Variants in RGS5 observed in about 807,000 individuals in gnomAD.
RGS5 encodes the protein regulator of G-protein signalling 5.
In RGS5, 20 loss-of-function variants were observed where a neutral mutation model predicts 18.9. That is an observed-to-expected ratio of 1.06 (90% CI 0.74 to 1.54). RGS5 has a LOEUF of 1.54. Ranked by LOEUF, RGS5 falls within the 40% of genes most tolerant of loss-of-function variation. The pLI, the probability that RGS5 is intolerant of heterozygous loss-of-function variation, is 0.00. For synonymous variants in RGS5, 57 were observed against 76.2 expected (o/e 0.75, Z 1.31); for missense variants, 201 against 211.8 (o/e 0.95, Z 0.32).
chr1:163,281,570 G>A (rs1172030406), intron 2 of RGS5, among the ~76,000 whole-genome samples: 1 of 152,036 alleles, frequency 6.6e-6, no homozygotes, highest in Non-Finnish European at 1.5e-5. Context: ...CATTCATGAG[G>A]GATCCATCCC....
chr1:163,256,251 A>G (rs1377653882), intron 2 of RGS5, among the ~76,000 whole-genome samples: 2 of 152,132 alleles, frequency 1.3e-5, no homozygotes, highest in East Asian at 3.9e-4. Flanking sequence ...CTGATAAGCA[A>G]CTTCAGCAAA....
At chr1:163,197,613 G>T (rs1659616259) in intron 1 of RGS5, among the ~76,000 whole-genome samples, 1 of 152,066 alleles carries the variant, frequency 6.6e-6, no homozygotes, top group South Asian at 2.1e-4. Flanking sequence ...AGAAATCACT[G>T]ATATTGTTTC....
At chr1:163,217,786 T>A (rs1004557339), upstream of RGS5, 31 of 708,812 alleles carry the variant, frequency 4.4e-5, no homozygotes, top group South Asian at 7.1e-4. Flanking sequence ...TGATATGTGG[T>A]TTATTAAATC....
intron 2 of RGS5, 103 bp from the exon 3 acceptor site, chr1:163,162,079 T>A: frequency 2.5e-6 from 2 of 812,796 alleles, no homozygotes; most frequent in East Asian, 2.5e-5. Context: ...GGAAATGATA[T>A]GACTGCTGGT....
chr1:163,281,868 G>A (rs763426369), intron 2 of RGS5, among the ~76,000 whole-genome samples: 33 of 152,040 alleles, frequency 2.2e-4, no homozygotes, highest in Non-Finnish European at 3.7e-4. Context: ...ATATCCACAC[G>A]CATAAGAATG....
chr1:163,166,349 C>T (rs751388752), intron 2 of RGS5, among the ~76,000 whole-genome samples: 7 of 152,046 alleles, frequency 4.6e-5, no homozygotes, highest in South Asian at 4.2e-4. Context: ...TTTAAAAAAA[C>T]GGATTCTACT....
chr1:163,312,425 T>A (rs894801574), intron 1 of RGS5, among the ~76,000 whole-genome samples: 6 of 152,140 alleles, frequency 3.9e-5, no homozygotes. Flanking sequence ...AAAAGAAAGA[T>A]CTGTATGAAG....
At chr1:163,181,257 C>T (rs1454196547) in intron 1 of RGS5, among the ~76,000 whole-genome samples, 1 of 152,114 alleles carries the variant, frequency 6.6e-6, no homozygotes, top group African/African-American at 2.4e-5. Context: ...TTCTCCACAA[C>T]CACATGTACA....
intron 2 of RGS5, among the ~76,000 whole-genome samples, chr1:163,264,971 T>G (rs928035744): frequency 2.6e-5 from 4 of 152,086 alleles, no homozygotes; most frequent in Non-Finnish European, 5.9e-5. Flanking sequence ...GCCACATGCC[T>G]TCTCCACTTG....
chr1:163,221,406 A>C (rs1187555218), upstream of RGS5, among the ~76,000 whole-genome samples: 1 of 152,152 alleles, frequency 6.6e-6, no homozygotes, highest in Non-Finnish European at 1.5e-5. Context: ...CCAAGGTAGA[A>C]GAATCACTTG....
chr1:163,287,268 A>C (rs1649168539), intron 2 of RGS5, among the ~76,000 whole-genome samples: 1 of 152,196 alleles, frequency 6.6e-6, no homozygotes, highest in African/African-American at 2.4e-5. Flanking sequence ...GGACAAAGAA[A>C]ACAGCAGAAC....
intron 2 of RGS5, among the ~76,000 whole-genome samples, chr1:163,228,340 C>A (rs772613239): frequency 9.2e-5 from 14 of 152,224 alleles, no homozygotes; most frequent in Non-Finnish European, 1.3e-4. Flanking sequence ...ATCCACAGGC[C>A]CAACACCACA....
intron 2 of RGS5, among the ~76,000 whole-genome samples, chr1:163,297,322 T>A (rs1414440324): frequency 6.6e-6 from 1 of 152,184 alleles, no homozygotes; most frequent in East Asian, 1.9e-4. Flanking sequence ...CTAACTTGCA[T>A]TTTTTGATCA....
chr1:163,210,662 C>A (rs903892397), intron 1 of RGS5: 26 of 152,180 alleles, frequency 1.7e-4, no homozygotes, highest in African/African-American at 6.0e-4. Flanking sequence ...GGAGACAATG[C>A]CTAAAAGTGT....
chr1:163,188,810 T>C (rs1659207828), intron 1 of RGS5, among the ~76,000 whole-genome samples: 2 of 148,150 alleles, frequency 1.3e-5, no homozygotes, highest in Admixed American at 1.3e-4. Context: ...ATACAAAAAT[T>C]AGCGTGGTGA....
In RGS5 at chr1:163,217,547, G is replaced by C. The variant is rs1195477435; in HGVS notation, c.48C>G (p.His16Gln). 1.9e-6 allele frequency: 3 copies of C among 1,546,040 alleles called. No homozygotes were observed. In the African/African-American group the frequency reaches 4.1e-5, roughly 21 times the overall value. Residue 16 changes from histidine to glutamine, a missense_variant, in exon 1 of 6, where the codon CAC becomes CAG. His to Gln is a conservative substitution (Grantham distance 24). Coordinates refer to the RGS5 transcript ENST00000367903. Reference sequence around the variant, plus strand: ...ATACATTGATATGCCAATGAGCACTGTGCATCTGTAAGATGAGAATATCCT... The same window carrying C: ...ATACATTGATATGCCAATGAGCACTCTGCATCTGTAAGATGAGAATATCCT...
intron 1 of RGS5, among the ~76,000 whole-genome samples, chr1:163,310,534 G>A (rs867510747): frequency 2.9e-5 from 4 of 138,886 alleles, no homozygotes; most frequent in Middle Eastern, 4.1e-3. Context: ...GAGATTGCGC[G>A]ACTGCACTCC....
chr1:163,153,998 G>A (rs749997324), intron 3 of RGS5, among the ~76,000 whole-genome samples: 1 of 152,030 alleles, frequency 6.6e-6, no homozygotes, highest in Non-Finnish European at 1.5e-5. Flanking sequence ...AACATGTTTC[G>A]AATGTCACTT....
At chr1:163,308,478 T>C (rs1471265660) in intron 1 of RGS5, 2 of 152,094 alleles carry the variant, frequency 1.3e-5, no homozygotes, top group Non-Finnish European at 2.9e-5. Context: ...ACACAAAAAA[T>C]ATAGGAAAGG....
Sources: allele counts gnomAD v4.1 joint callset (sites outside exome capture counted in the v4.1 genomes callset), GRCh38; gene constraint gnomAD v4.1.1; transcripts MANE v1.5; gene names NCBI Gene and HGNC (gene_info 2026-07-23, HGNC 2026-07-21).